CNDP2: variants seen among roughly 807,000 people sequenced by gnomAD.
CNDP2 encodes the protein cytosolic non-specific dipeptidase.
CNDP2 carries 38 observed loss-of-function variants against 55.0 expected under a neutral mutation model. That is an observed-to-expected ratio of 0.69 (90% CI 0.53 to 0.90). The LOEUF (loss-of-function observed/expected upper bound fraction) is 0.90. Among genes scored for constraint, CNDP2 ranks in the 40% least tolerant of loss-of-function variants. The pLI is 0.00. For missense variants in CNDP2, 607 were observed against 621.7 expected, an observed-to-expected ratio of 0.98 and a Z score of 0.25; for synonymous variants, 241 against 260.2, an observed-to-expected ratio of 0.93 and a Z score of 0.71.
At chr18:74,505,401 C>A (rs1978952109) in intron 3 of CNDP2, among the ~76,000 whole-genome samples, 1 of 152,028 alleles carries the variant, frequency 6.6e-6, no homozygotes, top group South Asian at 2.1e-4. Flanking sequence ...GAATTCGAGA[C>A]CACCGTGCGG....
intron 8 of CNDP2, 87 bp from the exon 9 acceptor site, chr18:74,516,141 C>T: frequency 7.0e-7 from 1 of 1,430,466 alleles, no homozygotes; most frequent in Non-Finnish European, 9.5e-7. Flanking sequence ...CCGCTCATTT[C>T]CCAGACAACA....
rs967147379 is a variant in CNDP2, at chr18:74,522,629, C to T, written c.*2561C>T. ...TGGCCTCCTCTTGCTCTCTCTACCC[C>T]TCTCTGAGCCCTTGTGTTGTGGGAT... is the stretch of plus-strand genomic sequence containing the variant. On this transcript the variant is annotated 3_prime_UTR_variant, in exon 12 of 12. Coordinates refer to ENST00000324262, the MANE Select transcript of CNDP2 (RefSeq NM_018235.3). The T allele has an allele frequency of 6.6e-6, 1 of 152,374 alleles. No individual in the cohort carries two copies. 9.4% of individuals were successfully genotyped at this position (152,374 alleles called of 1,614,324 possible).
chr18:74,498,802 A>T (rs1365635332), intron 1 of CNDP2, among the ~76,000 whole-genome samples: 1 of 152,132 alleles, frequency 6.6e-6, no homozygotes, highest in East Asian at 1.9e-4. Flanking sequence ...GGAGGTATAT[A>T]ACCATTCCAT....
chr18:74,513,622 T>A lies in CNDP2; in HGVS notation c.806T>A (p.Val269Asp). Residue 269 changes from valine (V) to aspartate (D), a missense_variant, in exon 8 of 12, where the codon GTC becomes GAC. Val to Asp is a radical substitution (Grantham distance 152). Coordinates refer to ENST00000324262, the MANE Select transcript of CNDP2 (RefSeq NM_018235.3). ...IPGINEAVAA[V>D]TEEEHKLYDD... is the part of the protein sequence containing the mutation. Reference sequence around the variant, plus strand: ...GGCATTAACGAGGCCGTGGCCGCCGTCACGGAAGAGGAGCACAAGCTGTAC... The same window carrying A: ...GGCATTAACGAGGCCGTGGCCGCCGACACGGAAGAGGAGCACAAGCTGTAC... The A allele has an allele frequency of 1.9e-6, 3 of 1,613,956 alleles. No individual in the cohort carries two copies. Among genetic ancestry groups the A allele is most frequent in the Non-Finnish European group, 2.5e-6 (3 of 1,180,008 alleles).
rs1321220427 is a variant in CNDP2, at chr18:74,522,729, A to G, written c.*2661A>G. On this transcript the variant is annotated 3_prime_UTR_variant, in exon 12 of 12. Transcript: ENST00000324262. ...TCCCAGCCTCCCGAACGTTGAGCCA[A>G]TACATCTCTGCTCATTGTAAATTAC... 1 of 152,364 alleles carries G rather than the reference A, an allele frequency of 6.6e-6. No individual in the cohort carries two copies. The highest frequency in any genetic ancestry group is 1.5e-5 in the Non-Finnish European group (1 of 68,126). 9.4% of individuals were successfully genotyped at this position (152,364 alleles called of 1,614,324 possible). A position where few individuals can be genotyped will look rare whatever the true frequency, so the allele number is the denominator to read the frequency against.
In CNDP2 at chr18:74,521,158, A is replaced by T. The variant is rs956228909; in HGVS notation, c.*1090A>T. The T allele has an allele frequency of 6.6e-6, 1 of 152,276 alleles. No homozygotes were observed. The allele number at this position is 152,276 out of a possible 1,614,324, so 9.4% of individuals were successfully genotyped here. ...TCCATCTCAGTTGCTCGTCGCGTGC[A>T]CACCATGCTTATTGAGTGGTGTCTG... On this transcript the variant is annotated 3_prime_UTR_variant, in exon 12 of 12. Transcript: ENST00000324262.
intron 11 of CNDP2, 51 bp downstream of exon 11, chr18:74,519,147 C>T: frequency 6.5e-7 from 1 of 1,539,720 alleles, no homozygotes; most frequent in Non-Finnish European, 8.8e-7. Flanking sequence ...CAGCGTCCCT[C>T]TCGCCCCTTC....
chr18:74,516,727 T>C, intron 9 of CNDP2: 1 of 212,776 alleles, frequency 4.7e-6, no homozygotes, highest in Non-Finnish European at 9.3e-6. Context: ...TGGAGGGGAC[T>C]CTGGTGGCTG....
intron 9 of CNDP2, chr18:74,518,228 C>CAT (rs1979816808): frequency 1.5e-5 from 4 of 259,906 alleles, no homozygotes; most frequent in Admixed American, 1.4e-4. Context: ...CGCCACTGTG[C>CAT]TCCAGCCTGG....
rs528334415 is a variant in CNDP2, at chr18:74,506,064, A to G, written c.367+53A>G. On this transcript the variant is annotated intron_variant, in intron 4 of 11. Transcript: ENST00000324262. Reference sequence around the variant, plus strand: ...AGAGGAAAGGCACTGACTTTTGGAAAGTCATTGCTAGTCCGTTTTTCTGTT... The same window carrying G: ...AGAGGAAAGGCACTGACTTTTGGAAGGTCATTGCTAGTCCGTTTTTCTGTT... The G allele has an allele frequency of 1.0e-4, 146 of 1,465,912 alleles. No individual in the cohort carries two copies. In the African/African-American group the frequency reaches 1.7e-3, roughly 17 times the overall value. The allele number at this position is 1,465,912 out of a possible 1,614,324, so 90.8% of individuals were successfully genotyped here.
chr18:74,513,772 G>C lies in CNDP2; in HGVS notation c.903+53G>C, dbSNP rs954532482. The C allele has an allele frequency of 1.4e-5, 22 of 1,581,122 alleles. No homozygotes were observed. The Admixed American group carries it at 3.6e-4, about 26-fold the overall frequency. ...CTGCCCAGGCCACGCTGTGACACAGGTGTCCCCCAGGCCCTGTCACCTTCC... is the reference window on the plus strand; with the variant it reads ...CTGCCCAGGCCACGCTGTGACACAGCTGTCCCCCAGGCCCTGTCACCTTCC... On this transcript the variant is annotated intron_variant, in intron 8 of 11. Coordinates refer to ENST00000324262, the MANE Select transcript of CNDP2 (RefSeq NM_018235.3).
chr18:74,516,706 A>G (rs907255132), intron 9 of CNDP2: 31 of 244,124 alleles, frequency 1.3e-4, no homozygotes, highest in Non-Finnish European at 2.4e-4. Context: ...GCCCCTTACC[A>G]TGGTGCCTTG....
At chr18:74,518,882 G>T in intron 10 of CNDP2, 67 bp from the exon 11 acceptor site, 1 of 1,600,822 alleles carries the variant, frequency 6.2e-7, no homozygotes, top group Non-Finnish European at 8.5e-7. Context: ...CTGAGTAGTG[G>T]TCTGAGACAG....
chr18:74,498,078 A>T (rs1978503851), intron 1 of CNDP2: 1 of 152,156 alleles, frequency 6.6e-6, no homozygotes, highest in African/African-American at 2.4e-5. Flanking sequence ...CCCATCTCTG[A>T]TGGTGGAACA....
intron 9 of CNDP2, chr18:74,518,240 C>A (rs1051307078): frequency 7.2e-5 from 21 of 290,152 alleles, no homozygotes; most frequent in South Asian, 8.9e-5. Flanking sequence ...CCAGCCTGGA[C>A]AACAGAGCGA....
chr18:74,508,650 C>G (rs1235388799), intron 4 of CNDP2, 190 bp from the exon 5 acceptor site: 1 of 569,790 alleles, frequency 1.8e-6, no homozygotes, highest in Non-Finnish European at 3.2e-6. Flanking sequence ...CGTGGCTTAT[C>G]TCTTTGATGA....
chr18:74,499,141 A>C (rs937075011), intron 1 of CNDP2, among the ~76,000 whole-genome samples: 2 of 152,200 alleles, frequency 1.3e-5, no homozygotes, highest in Non-Finnish European at 2.9e-5. Context: ...GAGGCACTTC[A>C]TGTCCCCGCA....
rs1430184313 is a variant in CNDP2, at chr18:74,512,529, A to G, written c.739A>G (p.Met247Val). 3.1e-6 allele frequency: 5 copies of G among 1,613,478 alleles called. No individual in the cohort carries two copies. Among genetic ancestry groups the G allele is most frequent in the African/African-American group, 1.3e-5 (1 of 74,852 alleles). Reference protein sequence around the residue: ...HEAMTDLILLMGSLVDKRGNI... With the variant: ...HEAMTDLILLVGSLVDKRGNI... ...GGCCATGACTGATCTCATTTTGCTG[A>G]TGGGTAAGTGCGGGATGGCATTCAG... The change falls in exon 7 of 12, where the codon ATG becomes GTG. Residue 247 changes from methionine to valine, a missense_variant. Physicochemically the swap from Met to Val is conservative, Grantham distance 21. Transcript: ENST00000324262.
intron 3 of CNDP2, among the ~76,000 whole-genome samples, chr18:74,503,762 G>A (rs1443763510): frequency 1.3e-5 from 2 of 150,270 alleles, no homozygotes; most frequent in Admixed American, 1.3e-4. Context: ...CCACAGTGAC[G>A]CTGGGACAAA....
Sources: gnomAD v4.1 joint callset for allele counts (sites outside exome capture counted in the v4.1 genomes callset) on GRCh38, gnomAD v4.1.1 for gene constraint, MANE v1.5 for transcripts, NCBI Gene and HGNC (gene_info 2026-07-23, HGNC 2026-07-21) for gene names.